TDRP: variants seen among roughly 807,000 people sequenced by gnomAD.
TDRP encodes the protein testis development-related protein.
TDRP carries 12 observed loss-of-function variants against 10.5 expected under a neutral mutation model. The observed-to-expected ratio is 1.15, with a 90% confidence interval of 0.73 to 1.86. TDRP has a LOEUF of 1.86. TDRP is among the 40% of genes most tolerant of loss of function. TDRP has a pLI of 0.00. For missense variants in TDRP, 353 were observed against 229.2 expected (o/e 1.54, Z -3.49); for synonymous variants, 139 against 95.4 (o/e 1.46, Z -2.67).
At chr8:538,743 T>G (rs183939623) in intron 1 of TDRP, among the ~76,000 whole-genome samples, 55 of 152,316 alleles carry the variant, frequency 3.6e-4, no homozygotes, top group Non-Finnish European at 7.5e-4. Flanking sequence ...AAGTCTTCAT[T>G]AGGCTTGTGA....
At chr8:493,589 C>A (rs1047028693) in intron 2 of TDRP, among the ~76,000 whole-genome samples, 1 of 152,252 alleles carries the variant, frequency 6.6e-6, no homozygotes, top group African/African-American at 2.4e-5. Flanking sequence ...TAACACGGAG[C>A]AAATATGCCA....
At chr8:535,500 G>A (rs543226021) in intron 1 of TDRP, among the ~76,000 whole-genome samples, 4 of 152,246 alleles carry the variant, frequency 2.6e-5, no homozygotes, top group South Asian at 4.1e-4. Flanking sequence ...TCCCTGGTCC[G>A]TGGACTGCAT....
At chr8:504,576 G>C (rs1484612454) in intron 1 of TDRP, among the ~76,000 whole-genome samples, 1 of 152,222 alleles carries the variant, frequency 6.6e-6, no homozygotes, top group African/African-American at 2.4e-5. Context: ...GTGATTCGCA[G>C]ACAGTGCAAA....
intron 1 of TDRP, among the ~76,000 whole-genome samples, chr8:523,784 T>C (rs1007871975): frequency 2.6e-5 from 4 of 152,068 alleles, no homozygotes; most frequent in African/African-American, 4.8e-5. Context: ...TGCAGTAGAA[T>C]AGAGCACCAG....
intron 1 of TDRP, among the ~76,000 whole-genome samples, chr8:516,336 G>A (rs933702069): frequency 3.3e-5 from 5 of 152,198 alleles, no homozygotes; most frequent in Non-Finnish European, 7.3e-5. Flanking sequence ...AAAAGCCATA[G>A]ACTTGGAGAA....
chr8:499,416 C>A (rs185023543), intron 1 of TDRP, among the ~76,000 whole-genome samples: 3 of 152,176 alleles, frequency 2.0e-5, no homozygotes, highest in African/African-American at 7.2e-5. Context: ...TCTCCACTAA[C>A]CACACCACTG....
At chr8:540,227 T>A (rs1445757593) in intron 1 of TDRP, among the ~76,000 whole-genome samples, 1 of 152,216 alleles carries the variant, frequency 6.6e-6, no homozygotes, top group Non-Finnish European at 1.5e-5. Context: ...AAATAAATTT[T>A]GTCACAGAAA....
At chr8:514,935 G>T (rs1313105217) in intron 1 of TDRP, among the ~76,000 whole-genome samples, 1 of 152,138 alleles carries the variant, frequency 6.6e-6, no homozygotes, top group African/African-American at 2.4e-5. Flanking sequence ...TGAAGGAATT[G>T]GATCATGATG....
At chr8:500,220 T>A (rs1465071774) in intron 1 of TDRP, among the ~76,000 whole-genome samples, 3 of 152,216 alleles carry the variant, frequency 2.0e-5, no homozygotes, top group African/African-American at 4.8e-5. Context: ...AAGTGCTTCA[T>A]GTTTCATGAA....
intron 1 of TDRP, among the ~76,000 whole-genome samples, chr8:519,550 CTA>C (rs139904109): frequency 0.036 from 5,428 of 152,088 alleles, 305 homozygotes; most frequent in African/African-American, 0.12. Context: ...TCGTAAAACT[CTA>C]TATACAGACT....
rs1252452827 is a variant in TDRP, at chr8:494,573, A to T, written c.133T>A (p.Trp45Arg). 6.2e-7 allele frequency: 1 copy of T among 1,613,758 alleles called. No homozygotes were observed. The highest frequency in any genetic ancestry group is 1.3e-5 in the African/African-American group (1 of 74,898). ...TTAAACAGTGAAGTCACTTCTTTCC[A>T]ACCTCGGAAACTTGCTCCCTGAACC... ...AQVQGASFRG[W>R]KEVTSLFNKD... The change falls in exon 2 of 3, where the codon TGG (tryptophan) becomes AGG (arginine). Residue 45 changes from tryptophan to arginine, a missense_variant. Trp to Arg is a moderately radical substitution (Grantham distance 101). Coordinates refer to ENST00000324079, the MANE Select transcript of TDRP (RefSeq NM_001384899.1).
At chr8:542,805 T>G (rs1200709966) in intron 1 of TDRP, among the ~76,000 whole-genome samples, 1 of 143,032 alleles carries the variant, frequency 7.0e-6, no homozygotes, top group Non-Finnish European at 1.5e-5. Flanking sequence ...TGCAGTGAGC[T>G]GAGATCACGC....
rs1800932522 is a variant in TDRP at position 490,292 on chromosome 8, AG to A, written c.*2106del. 1 of 152,264 alleles carries A rather than the reference AG, an allele frequency of 6.6e-6. No individual in the cohort carries two copies. Among genetic ancestry groups the A allele is most frequent in the Admixed American group, 6.5e-5 (1 of 15,286 alleles). 9.4% of individuals were successfully genotyped at this position (152,264 alleles called of 1,614,324 possible). ...ATTTTTACATTAGTCTTTGTAGATAAGAAAAATTTGATTTACAGTGCATATT... is the reference window on the plus strand; with the variant it reads ...ATTTTTACATTAGTCTTTGTAGATAAAAAAATTTGATTTACAGTGCATATT... On this transcript the variant is annotated 3_prime_UTR_variant, in exon 3 of 3. Transcript: ENST00000324079.
At chr8:531,783 A>C (rs1167211753) in intron 1 of TDRP, among the ~76,000 whole-genome samples, 1 of 152,246 alleles carries the variant, frequency 6.6e-6, no homozygotes, top group Admixed American at 6.5e-5. Context: ...GCTTAGTATT[A>C]ACCACAGCCA....
At chr8:515,992 T>G (rs951520380) in intron 1 of TDRP, among the ~76,000 whole-genome samples, 2 of 152,084 alleles carry the variant, frequency 1.3e-5, no homozygotes, top group Admixed American at 1.3e-4. Context: ...ATAGTTAAAA[T>G]GTCCAAAAGA....
chr8:518,111 G>A (rs1801804769), intron 1 of TDRP, among the ~76,000 whole-genome samples: 1 of 152,122 alleles, frequency 6.6e-6, no homozygotes, highest in African/African-American at 2.4e-5. Flanking sequence ...TGTCAACTAT[G>A]GACTTTGGCT....
intron 1 of TDRP, among the ~76,000 whole-genome samples, chr8:525,094 T>C (rs766812454): frequency 3.3e-5 from 5 of 152,066 alleles, no homozygotes; most frequent in Admixed American, 6.5e-5. Flanking sequence ...TAGCATACAA[T>C]GGAGCTCCGA....
At chr8:545,577 G>A (rs1308140208), upstream of TDRP, 1 of 152,372 alleles carries the variant, frequency 6.6e-6, no homozygotes, top group South Asian at 2.1e-4. Flanking sequence ...CTGAGGGGAA[G>A]GTGGAGGGGG....
At chr8:540,505 A>G (rs1256666919) in intron 1 of TDRP, among the ~76,000 whole-genome samples, 1 of 152,190 alleles carries the variant, frequency 6.6e-6, no homozygotes, top group African/African-American at 2.4e-5. Context: ...CAAATATTTT[A>G]CCATATGCAT....
Sources: gnomAD v4.1 joint callset for allele counts (sites outside exome capture counted in the v4.1 genomes callset) on GRCh38, gnomAD v4.1.1 for gene constraint, MANE v1.5 for transcripts, NCBI Gene and HGNC (gene_info 2026-07-23, HGNC 2026-07-21) for gene names.